Variants in CACNA1C observed in about 807,000 individuals in gnomAD.
CACNA1C encodes the protein calcium voltage-gated channel subunit alpha1 C.
A neutral mutation model predicts 229.0 loss-of-function variants in CACNA1C; 30 were observed. The ratio of observed to expected loss-of-function variants is 0.13; its 90% CI spans 0.10 to 0.18. The LOEUF (loss-of-function observed/expected upper bound fraction) is 0.18, where lower values mean the gene tolerates loss of function less well. Among genes scored for constraint, CACNA1C ranks in the 10% least tolerant of loss-of-function variants. The probability of loss-of-function intolerance (pLI) is 1.00; values close to 1 mark genes in which losing one functional copy is unlikely to be tolerated. For synonymous variants in CACNA1C, 1,114 were observed against 1,132.5 expected (o/e 0.98, Z 0.33); for missense variants, 1,658 against 2,845.0 (o/e 0.58, Z 9.49).
rs377631971 is a variant in CACNA1C at position 2,653,920 on chromosome 12, G to A, written c.4140+20G>A. 35 of 1,607,624 alleles carry A rather than the reference G, an allele frequency of 2.2e-5. No homozygotes were observed. Among genetic ancestry groups the A allele is most frequent in the Middle Eastern group, 3.3e-4 (2 of 6,044 alleles). ...ATGCAGGTAGGGAGGCTCCCACCAC[G>A]GGGCTCCTGGCCTCCCGCTCTGTCT... On this transcript the variant is annotated intron_variant, in intron 33 of 46. Coordinates refer to ENST00000399655, the MANE Select transcript of CACNA1C (RefSeq NM_000719.7). The surrounding 1 kb of genome is among the most constrained non-coding windows in gnomAD (Gnocchi z 4.7).
At chr12:2,049,156 C>A (rs966289791), upstream of CACNA1C, 1 of 152,230 alleles carries the variant, frequency 6.6e-6, no homozygotes, top group Non-Finnish European at 1.5e-5. Flanking sequence ...TGAATGCACT[C>A]TAGTTCATCT....
At chr12:2,306,115 C>T (rs1265435179) in intron 3 of CACNA1C, among the ~76,000 whole-genome samples, 2 of 152,224 alleles carry the variant, frequency 1.3e-5, no homozygotes, top group East Asian at 3.8e-4. Context: ...TTCCTAACCT[C>T]AGATGCCTCT....
intron 1 of CACNA1C, among the ~76,000 whole-genome samples, chr12:1,978,262 A>G (rs1373496449): frequency 6.6e-6 from 1 of 152,206 alleles, no homozygotes. Context: ...TGGGGCTTTC[A>G]GTTGACATCA....
chr12:2,485,622 C>A (rs1007539506), intron 5 of CACNA1C, among the ~76,000 whole-genome samples: 7 of 152,272 alleles, frequency 4.6e-5, no homozygotes, highest in African/African-American at 1.2e-4. Flanking sequence ...TTCAGTGGCA[C>A]TAAGTATCTT....
At chr12:2,676,872 A>G (rs567710097) in intron 39 of CACNA1C, 2 of 413,800 alleles carry the variant, frequency 4.8e-6, no homozygotes, top group African/African-American at 4.0e-5. Flanking sequence ...GATGATCTAC[A>G]GGAGGTGGTG....
At position 2,602,044 on chromosome 12, in the gene CACNA1C, C is replaced by T; in HGVS notation, c.2960+84C>T. On this transcript the variant is annotated intron_variant, in intron 22 of 46. Transcript: ENST00000399655. This position sits in a 1 kb window ranked among gnomAD's most constrained non-coding sequence, Gnocchi z 4.4. The stretch of plus-strand genomic sequence containing the variant: ...GGACAACCAGACCCTGGAGGGCCTG[C>T]CTGCAGGGCCACCGCAGTGTGATGA... 2.3e-6 allele frequency: 2 copies of T among 864,084 alleles called. No individual in the cohort carries two copies. Among genetic ancestry groups the T allele is most frequent in the Admixed American group, 1.8e-5 (1 of 55,688 alleles). 53.5% of individuals were successfully genotyped at this position (864,084 alleles called of 1,614,324 possible).
At chr12:2,202,706 G>C (rs1328814276) in intron 3 of CACNA1C, among the ~76,000 whole-genome samples, 1 of 152,126 alleles carries the variant, frequency 6.6e-6, no homozygotes, top group African/African-American at 2.4e-5. Context: ...ACGTGGGAAG[G>C]AGTGTCTCAC....
rs199629800 is a variant in CACNA1C, at chr12:2,593,319, G to A, written c.2637G>A (p.Ala879=). 93 of 1,613,714 alleles carry A rather than the reference G, an allele frequency of 5.8e-5. No individual in the cohort carries two copies. The highest frequency in any genetic ancestry group is 1.6e-4 in the Middle Eastern group (1 of 6,084). The change falls in exon 19 of 47, where the codon GCG becomes GCA. Residue 879 remains alanine, a synonymous_variant. Transcript: ENST00000399655. ...EKAVPMPEAS[A]FFIFSSNNRF... ...CAGTGCCCATGCCAGAAGCCAGCGC[G>A]TTTTTCATCTTCAGCTCTAACAACA... is the stretch of plus-strand genomic sequence containing the variant.
intron 9 of CACNA1C, among the ~76,000 whole-genome samples, chr12:2,540,651 G>T (rs531862838): frequency 6.6e-6 from 1 of 152,164 alleles, no homozygotes; most frequent in Non-Finnish European, 1.5e-5. Context: ...GCTGCAGTTC[G>T]CTGACCCCTG....
At chr12:2,223,396 G>A (rs1490391968) in intron 3 of CACNA1C, 2 of 152,198 alleles carry the variant, frequency 1.3e-5, no homozygotes, top group Non-Finnish European at 2.9e-5. Context: ...GTTCCTGGAT[G>A]GAACTGCCTG....
rs150991657 is a variant in CACNA1C, at chr12:2,311,040, G to A, written c.478-137936G>A. On this transcript the variant is annotated intron_variant, in intron 3 of 46. Transcript: ENST00000399655. ...ACCCTCATCCTAGGCTTTCTTTCAC[G>A]CTTATGGCCACACACAGTGAGGCTT... Among the ~76,000 whole-genome samples the A allele has an allele frequency of 4.7e-3, 709 of 152,236 alleles. 4 individuals carry two copies. The highest frequency in any genetic ancestry group is 0.016 in the African/African-American group (658 of 41,534).
chr12:2,681,670 C>A (rs2097151235), intron 42 of CACNA1C, among the ~76,000 whole-genome samples: 1 of 152,180 alleles, frequency 6.6e-6, no homozygotes, highest in African/African-American at 2.4e-5. Context: ...TCTTTCCTTC[C>A]ACTGCGGGGC....
At chr12:2,211,905 G>C (rs1986293) in intron 3 of CACNA1C, among the ~76,000 whole-genome samples, 378 of 152,034 alleles carry the variant, frequency 2.5e-3, no homozygotes, top group African/African-American at 8.4e-3. Context: ...ATTTTTAGTA[G>C]AGATGGGGTT....
At chr12:2,526,928 A>G (rs2099819432) in intron 9 of CACNA1C, among the ~76,000 whole-genome samples, 1 of 152,234 alleles carries the variant, frequency 6.6e-6, no homozygotes, top group Non-Finnish European at 1.5e-5. Context: ...TGGACAGAAG[A>G]GCTTTGATAA....
chr12:2,230,824 AACTC>A (rs768765950), intron 3 of CACNA1C, among the ~76,000 whole-genome samples: 2 of 152,186 alleles, frequency 1.3e-5, no homozygotes, highest in Non-Finnish European at 2.9e-5. Context: ...GGTTTGTACT[AACTC>A]CTTTAATCTT....
Position 2,034,537 on chromosome 12 carries a change from TAA to T in CACNA1C, c.139+63337_139+63338del, listed in dbSNP as rs1283055489. Reference sequence around the variant, plus strand: ...GGGTACTGTGGTGGGTATTTAATACTAAGAGTCCCTCTTAATACTTTCTGTTT... The same window carrying T: ...GGGTACTGTGGTGGGTATTTAATACTGAGTCCCTCTTAATACTTTCTGTTT... On this transcript the variant is annotated intron_variant, in intron 1 of 46. Coordinates refer to the CACNA1C transcript ENST00000682462. The surrounding 1 kb of genome is among the most constrained non-coding windows in gnomAD (Gnocchi z 4.1). Among the ~76,000 whole-genome samples, 1 of 152,210 alleles carries T rather than the reference TAA, an allele frequency of 6.6e-6. No homozygotes were observed. The highest frequency in any genetic ancestry group is 1.9e-4 in the East Asian group (1 of 5,196).
chr12:2,236,322 G>A (rs2067348163), intron 3 of CACNA1C, among the ~76,000 whole-genome samples: 2 of 152,180 alleles, frequency 1.3e-5, no homozygotes, highest in Admixed American at 1.3e-4. Context: ...TCCACACATT[G>A]AGCAGCAGTG....
At chr12:2,640,317 T>C (rs994899226) in intron 30 of CACNA1C, among the ~76,000 whole-genome samples, 2 of 152,316 alleles carry the variant, frequency 1.3e-5, no homozygotes, top group Admixed American at 6.5e-5. Context: ...TGGGCATCAC[T>C]GAAGGGCAGG....
Position 2,655,136 on chromosome 12 carries a change from C to G in CACNA1C, c.4141-11C>G. On this transcript the variant is annotated splice_polypyrimidine_tract_variant and intron_variant, in intron 33 of 46. Coordinates refer to ENST00000399655, the MANE Select transcript of CACNA1C (RefSeq NM_000719.7). ...ACAAATCACTGAACACCTCTTCCTT[C>G]TCTCTCCTAGGTGTTTGGGAAAATT... 1 of 1,560,956 alleles carries G rather than the reference C, an allele frequency of 6.4e-7. No individual in the cohort carries two copies. Among genetic ancestry groups the G allele is most frequent in the Non-Finnish European group, 8.8e-7 (1 of 1,131,924 alleles).
Sources: allele counts gnomAD v4.1 joint callset (sites outside exome capture counted in the v4.1 genomes callset), GRCh38; gene constraint gnomAD v4.1.1; non-coding constraint Gnocchi (gnomAD v3.1); transcripts MANE v1.5; gene names NCBI Gene and HGNC (gene_info 2026-07-23, HGNC 2026-07-21).